The following EFCAB11 variants were observed in gnomAD, a reference collection of about 807,000 sequenced individuals.
EFCAB11 encodes EF-hand calcium-binding domain-containing protein 11.
In EFCAB11, 14 loss-of-function variants were observed where a neutral mutation model predicts 23.0. That is an observed-to-expected ratio of 0.61 (90% CI 0.40 to 0.95). The LOEUF is 0.95. Ranked by LOEUF, EFCAB11 falls within the 40% of genes least tolerant of loss-of-function variation. The pLI is 0.00. For missense variants in EFCAB11, 198 were observed against 195.8 expected (o/e 1.01, Z -0.07); for synonymous variants, 65 against 66.6 (o/e 0.98, Z 0.11).
intron 5 of EFCAB11, 55 bp downstream of exon 5, chr14:89,931,486 G>A (rs1890387280): frequency 6.1e-6 from 9 of 1,470,632 alleles, no homozygotes; most frequent in African/African-American, 1.4e-5. Context: ...TCAAAAACAT[G>A]TAAAAGCAAA....
chr14:89,899,302 G>A (rs1334832805), intron 5 of EFCAB11, among the ~76,000 whole-genome samples: 1 of 152,120 alleles, frequency 6.6e-6, no homozygotes, highest in African/African-American at 2.4e-5. Context: ...TATTCAAACT[G>A]GCTAATATAG....
intron 5 of EFCAB11, among the ~76,000 whole-genome samples, chr14:89,807,144 T>C (rs745646141): frequency 6.6e-5 from 10 of 152,226 alleles, no homozygotes; most frequent in Non-Finnish European, 1.2e-4. Flanking sequence ...ATTTAATCTC[T>C]TAAGAACAGC....
intron 3 of EFCAB11, among the ~76,000 whole-genome samples, chr14:89,946,899 T>C (rs779745917): frequency 3.3e-5 from 5 of 152,190 alleles, no homozygotes; most frequent in Non-Finnish European, 7.3e-5. Context: ...TTTTTATCTT[T>C]GTTCCTATTC....
In EFCAB11 at chr14:89,796,797, G is replaced by C. The variant is rs75094745; in HGVS notation, c.*446C>G. 6,879 of 154,440 alleles carry C rather than the reference G, an allele frequency of 0.045. 217 individuals are homozygous for C. The highest frequency in any genetic ancestry group is 0.15 in the East Asian group (804 of 5,224). 9.6% of individuals were successfully genotyped at this position (154,440 alleles called of 1,614,324 possible). A position where few individuals can be genotyped will look rare whatever the true frequency, so the allele number is the denominator to read the frequency against. ...GATGAGATTCAGGGTGGGATGGTGA[G>C]GACAATGAAGTGAGTGAGTAGAGCA... On this transcript the variant is annotated 3_prime_UTR_variant, in exon 6 of 6. Coordinates refer to ENST00000316738, the MANE Select transcript of EFCAB11 (RefSeq NM_145231.4).
chr14:89,906,113 T>G (rs1889487796), intron 5 of EFCAB11, among the ~76,000 whole-genome samples: 1 of 151,838 alleles, frequency 6.6e-6, no homozygotes, highest in Admixed American at 6.6e-5. Flanking sequence ...GTACATCTCA[T>G]AAGGTTATCA....
intron 5 of EFCAB11, among the ~76,000 whole-genome samples, chr14:89,837,719 C>T (rs961057825): frequency 1.2e-4 from 19 of 152,048 alleles, no homozygotes; most frequent in Non-Finnish European, 1.5e-5. Context: ...ACGTGTAAGA[C>T]TATGGCCATT....
At chr14:89,929,298 C>A (rs1038405980) in intron 5 of EFCAB11, among the ~76,000 whole-genome samples, 1 of 152,134 alleles carries the variant, frequency 6.6e-6, no homozygotes. Flanking sequence ...AGTCCTCCTG[C>A]CTTGGCCTCC....
At chr14:89,913,324 A>G (rs899125462) in intron 5 of EFCAB11, among the ~76,000 whole-genome samples, 2 of 152,218 alleles carry the variant, frequency 1.3e-5, no homozygotes, top group Non-Finnish European at 2.9e-5. Flanking sequence ...GGACAAGTAT[A>G]TATTTATCTA....
intron 5 of EFCAB11, among the ~76,000 whole-genome samples, chr14:89,866,442 CT>C (rs896419238): frequency 1.3e-5 from 2 of 152,268 alleles, no homozygotes; most frequent in African/African-American, 2.4e-5. Context: ...CCCACGAGGC[CT>C]GTGGGACAAA....
At chr14:89,879,128 T>G (rs1053813431) in intron 5 of EFCAB11, among the ~76,000 whole-genome samples, 3 of 152,106 alleles carry the variant, frequency 2.0e-5, no homozygotes, top group Non-Finnish European at 4.4e-5. Flanking sequence ...GCCCATTTTT[T>G]TTTCTGTTCT....
At chr14:89,889,473 T>G (rs1888895809) in intron 5 of EFCAB11, among the ~76,000 whole-genome samples, 1 of 152,120 alleles carries the variant, frequency 6.6e-6, no homozygotes, top group Admixed American at 6.5e-5. Context: ...GGTAAGTGCT[T>G]AAAAAACTTC....
intron 5 of EFCAB11, among the ~76,000 whole-genome samples, chr14:89,859,205 A>G (rs1205889308): frequency 6.6e-6 from 1 of 152,224 alleles, no homozygotes; most frequent in Non-Finnish European, 1.5e-5. Context: ...ACTTATTTAA[A>G]ACTATAACTT....
At chr14:89,889,573 A>T (rs1460753955) in intron 5 of EFCAB11, among the ~76,000 whole-genome samples, 1 of 152,242 alleles carries the variant, frequency 6.6e-6, no homozygotes, top group Non-Finnish European at 1.5e-5. Context: ...GCATCTGGGA[A>T]CTTGGATTTC....
chr14:89,884,510 GCT>G (rs1888693172), intron 5 of EFCAB11, among the ~76,000 whole-genome samples: 1 of 151,912 alleles, frequency 6.6e-6, no homozygotes, highest in African/African-American at 2.4e-5. Flanking sequence ...CAGGATACCT[GCT>G]CACATAACTT....
intron 5 of EFCAB11, among the ~76,000 whole-genome samples, chr14:89,841,525 G>A (rs1422105824): frequency 6.6e-6 from 1 of 151,174 alleles, no homozygotes; most frequent in Non-Finnish European, 1.5e-5. Context: ...ATATTGTTCT[G>A]GAAGCAGTCA....
chr14:89,805,328 G>A (rs922938585), intron 5 of EFCAB11, among the ~76,000 whole-genome samples: 1 of 152,204 alleles, frequency 6.6e-6, no homozygotes, highest in Non-Finnish European at 1.5e-5. Context: ...CCTTACCACA[G>A]TGACTGGCTC....
intron 4 of EFCAB11, among the ~76,000 whole-genome samples, chr14:89,931,953 G>T (rs1408243951): frequency 6.6e-6 from 1 of 152,140 alleles, no homozygotes; most frequent in Non-Finnish European, 1.5e-5. Flanking sequence ...GAGTCTTTGC[G>T]AGTTGCCAAA....
chr14:89,847,129 C>A (rs1337882279), intron 5 of EFCAB11, among the ~76,000 whole-genome samples: 3 of 152,218 alleles, frequency 2.0e-5, no homozygotes, highest in East Asian at 3.8e-4. Context: ...CCTTATCTTG[C>A]CCAAGCTGCT....
At chr14:89,924,057 A>G in intron 5 of EFCAB11, 2 of 985,606 alleles carry the variant, frequency 2.0e-6, no homozygotes, top group Non-Finnish European at 2.4e-6. Flanking sequence ...TAACATCTAT[A>G]TAATTTTTCT....
Sources: gnomAD v4.1 joint callset for allele counts (sites outside exome capture counted in the v4.1 genomes callset) on GRCh38, gnomAD v4.1.1 for gene constraint, MANE v1.5 for transcripts, NCBI Gene and HGNC (gene_info 2026-07-23, HGNC 2026-07-21) for gene names.